RFTN1: variants seen among roughly 807,000 people sequenced by gnomAD.
RFTN1 encodes the protein raftlin.
In RFTN1, 26 loss-of-function variants were observed where a neutral mutation model predicts 46.5. That is an observed-to-expected ratio of 0.56 (90% CI 0.41 to 0.78). The LOEUF (loss-of-function observed/expected upper bound fraction) is 0.78. Among genes scored for constraint, RFTN1 ranks in the 30% least tolerant of loss-of-function variants. The pLI, the probability that RFTN1 is intolerant of heterozygous loss-of-function variation, is 0.00. For synonymous variants in RFTN1, 261 were observed against 284.2 expected, an observed-to-expected ratio of 0.92 and a Z score of 0.82; for missense variants, 693 against 718.7, an observed-to-expected ratio of 0.96 and a Z score of 0.41.
In RFTN1 at chr3:16,410,523, A is replaced by T. The variant is rs896832135; in HGVS notation, c.333-1040T>A. 2.0e-5 allele frequency among the ~76,000 whole-genome samples: 3 copies of T among 152,216 alleles called. No homozygotes were observed. Among genetic ancestry groups the T allele is most frequent in the African/African-American group, 7.2e-5 (3 of 41,450 alleles). On this transcript the variant is annotated intron_variant, in intron 3 of 9. Coordinates refer to ENST00000334133, the MANE Select transcript of RFTN1 (RefSeq NM_015150.2). The surrounding 1 kb of genome is among the most constrained non-coding windows in gnomAD (Gnocchi z 4.6). ...ATATCACTTAGAAAATTAAAAATTAATTTTTAAAAGACTTTAAAAGGGTTC... is the reference window on the plus strand; with the variant it reads ...ATATCACTTAGAAAATTAAAAATTATTTTTTAAAAGACTTTAAAAGGGTTC...
At chr3:16,340,398 T>C (rs570030238) in intron 7 of RFTN1, among the ~76,000 whole-genome samples, 1 of 152,368 alleles carries the variant, frequency 6.6e-6, no homozygotes, top group East Asian at 1.9e-4. Context: ...TCTAGCCAAC[T>C]GCCAGACATA....
chr3:16,492,440 T>C (rs1490422102), intron 2 of RFTN1, among the ~76,000 whole-genome samples: 3 of 152,188 alleles, frequency 2.0e-5, no homozygotes. Flanking sequence ...GACACCCGTG[T>C]TCCTTTTATA....
rs2075116643 is a variant in RFTN1, at chr3:16,418,015, C to T, written c.333-8532G>A. Among the ~76,000 whole-genome samples the T allele has an allele frequency of 6.6e-6, 1 of 152,188 alleles. No individual in the cohort carries two copies. Among genetic ancestry groups the T allele is most frequent in the South Asian group, 2.1e-4 (1 of 4,834 alleles). On this transcript the variant is annotated intron_variant, in intron 3 of 9. Coordinates refer to ENST00000334133, the MANE Select transcript of RFTN1 (RefSeq NM_015150.2). The surrounding 1 kb of genome is among the most constrained non-coding windows in gnomAD (Gnocchi z 5.0). ...AGCAACCATGCCCGGCCTTGTCTGA[C>T]CCATTTAAACAGCCCCTCACTCTGC... is the stretch of plus-strand genomic sequence containing the variant.
intron 4 of RFTN1, among the ~76,000 whole-genome samples, chr3:16,390,139 G>A (rs2074311894): frequency 6.6e-6 from 1 of 152,184 alleles, no homozygotes; most frequent in Non-Finnish European, 1.5e-5. Flanking sequence ...AGATTTGTGA[G>A]CAAAATAAAT....
rs553160384 is a variant in RFTN1, at chr3:16,323,038, C to T, written c.1332+338G>A. ...GACACAAAGAAACTGGCCATGAGCT[C>T]GAGCCATCCCCACCCCATGGTCAGG... is the stretch of plus-strand genomic sequence containing the variant. On this transcript the variant is annotated intron_variant, in intron 9 of 9. Coordinates refer to ENST00000334133, the MANE Select transcript of RFTN1 (RefSeq NM_015150.2). 1.1e-3 allele frequency among the ~76,000 whole-genome samples: 167 copies of T among 152,310 alleles called. 1 individual carries two copies. Among genetic ancestry groups the T allele is most frequent in the African/African-American group, 3.8e-3 (160 of 41,574 alleles).
chr3:16,390,003 A>G (rs1417703911), intron 4 of RFTN1, among the ~76,000 whole-genome samples: 4 of 152,218 alleles, frequency 2.6e-5, no homozygotes, highest in Non-Finnish European at 5.9e-5. Context: ...CCTACAGCCA[A>G]CACCAACTTG....
In RFTN1 at chr3:16,473,577, A is replaced by AT. The variant is rs989001893; in HGVS notation, c.145+20147dup. On this transcript the variant is annotated intron_variant, in intron 2 of 9. Transcript: ENST00000334133. The surrounding 1 kb of genome is among the most constrained non-coding windows in gnomAD (Gnocchi z 5.3). Reference sequence around the variant, plus strand: ...CGCCCTGCCTGGCTAATTTTTTTGTATTTTTTTTTAGTAGAAACGGAGTTT... The same window carrying AT: ...CGCCCTGCCTGGCTAATTTTTTTGTATTTTTTTTTTAGTAGAAACGGAGTTT... Among the ~76,000 whole-genome samples, 44 of 148,832 alleles carry AT rather than the reference A, an allele frequency of 3.0e-4. No individual in the cohort carries two copies. The highest frequency in any genetic ancestry group is 8.7e-4 in the Admixed American group (13 of 14,968).
In RFTN1 at chr3:16,418,799, T is replaced by C. The variant is rs1450455014; in HGVS notation, c.333-9316A>G. Among the ~76,000 whole-genome samples the C allele has an allele frequency of 3.3e-5, 5 of 151,948 alleles. No individual in the cohort carries two copies. Among genetic ancestry groups the C allele is most frequent in the Non-Finnish European group, 7.4e-5 (5 of 68,016 alleles). ...TTAACTTACGTATAACTAATGACAA[T>C]AAAAATCTCCACTTATTCATTTGTC... is the stretch of plus-strand genomic sequence containing the variant. On this transcript the variant is annotated intron_variant, in intron 3 of 9. Transcript: ENST00000334133. The surrounding 1 kb of genome is among the most constrained non-coding windows in gnomAD (Gnocchi z 5.0).
intron 6 of RFTN1, among the ~76,000 whole-genome samples, chr3:16,369,324 G>C (rs1460892249): frequency 6.6e-6 from 1 of 152,234 alleles, no homozygotes. Context: ...GACAAATTTG[G>C]TGTTATGTGT....
At position 16,413,727 on chromosome 3, in the gene RFTN1, CT is replaced by C. The variant is rs2075017376; in HGVS notation, c.333-4245del. Among the ~76,000 whole-genome samples the C allele has an allele frequency of 6.6e-6, 1 of 152,210 alleles. No homozygotes were observed. ...AGCACTCTCCAATTAAATAAAGACA[CT>C]CTGAGGAGAGCATGACTAATAATAA... On this transcript the variant is annotated intron_variant, in intron 3 of 9. Coordinates refer to ENST00000334133, the MANE Select transcript of RFTN1 (RefSeq NM_015150.2). The surrounding 1 kb of genome is among the most constrained non-coding windows in gnomAD (Gnocchi z 4.7).
At chr3:16,396,682 T>C (rs988230072) in intron 4 of RFTN1, among the ~76,000 whole-genome samples, 1 of 152,130 alleles carries the variant, frequency 6.6e-6, no homozygotes, top group Non-Finnish European at 1.5e-5. Flanking sequence ...TTTGTTTTAA[T>C]GGAACCAAGA....
In RFTN1 at chr3:16,376,307, G is replaced by A. The variant is rs1033375625; in HGVS notation, c.826+1411C>T. ...TTCAAAGGGTGAGAAACTGAGGCAC[G>A]GAAGGCAGGCCGGAATGTATACTCT... On this transcript the variant is annotated intron_variant, in intron 5 of 9. Coordinates refer to ENST00000334133, the MANE Select transcript of RFTN1 (RefSeq NM_015150.2). The surrounding 1 kb of genome is among the most constrained non-coding windows in gnomAD (Gnocchi z 4.7). Among the ~76,000 whole-genome samples, 5 of 152,180 alleles carry A rather than the reference G, an allele frequency of 3.3e-5. No individual in the cohort carries two copies. The highest frequency in any genetic ancestry group is 6.5e-5 in the Admixed American group (1 of 15,290).
chr3:16,444,825 C>T (rs538980302), intron 2 of RFTN1, among the ~76,000 whole-genome samples: 8 of 152,338 alleles, frequency 5.3e-5, no homozygotes, highest in African/African-American at 1.7e-4. Context: ...TAACCCACCA[C>T]CACTACAACC....
intron 2 of RFTN1, among the ~76,000 whole-genome samples, chr3:16,485,775 T>C (rs1415904926): frequency 6.6e-6 from 1 of 152,252 alleles, no homozygotes; most frequent in Non-Finnish European, 1.5e-5. Context: ...ATTTAAATTA[T>C]AGTTCAATAA....
chr3:16,369,957 C>T (rs752587748), intron 6 of RFTN1, 119 bp downstream of exon 6: 13 of 929,548 alleles, frequency 1.4e-5, no homozygotes, highest in Middle Eastern at 2.7e-4. Flanking sequence ...TAAAATGCAG[C>T]ATGGTTATCG....
chr3:16,371,811 C>G (rs1295933219), intron 5 of RFTN1, among the ~76,000 whole-genome samples: 1 of 152,214 alleles, frequency 6.6e-6, no homozygotes, highest in Non-Finnish European at 1.5e-5. Context: ...GAAGCCATCT[C>G]CAGCCAGGAA....
chr3:16,391,618 C>G (rs1366381384), intron 4 of RFTN1, among the ~76,000 whole-genome samples: 5 of 152,146 alleles, frequency 3.3e-5, no homozygotes, highest in African/African-American at 7.2e-5. Flanking sequence ...AGTTACCAAT[C>G]AATCAGCAAA....
Position 16,435,624 on chromosome 3 carries a change from T to C in RFTN1, c.146-1587A>G, listed in dbSNP as rs576680530. Among the ~76,000 whole-genome samples, 5 of 152,262 alleles carry C rather than the reference T, an allele frequency of 3.3e-5. No homozygotes were observed. In the East Asian group the frequency reaches 9.6e-4, roughly 29 times the overall value. On this transcript the variant is annotated intron_variant, in intron 2 of 9. Transcript: ENST00000334133. The stretch of plus-strand genomic sequence containing the variant: ...ATACTTTTCTTAAGAGACCATTTCA[T>C]AGCAGTACACAGAGTGCTTTCTCAT...
intron 1 of RFTN1, among the ~76,000 whole-genome samples, chr3:16,497,511 C>T (rs1331099295): frequency 6.6e-6 from 1 of 152,198 alleles, no homozygotes; most frequent in African/African-American, 2.4e-5. Flanking sequence ...CTGGGCCCTG[C>T]TGGAGACTTT....
Sources: gnomAD v4.1 joint callset for allele counts (sites outside exome capture counted in the v4.1 genomes callset) on GRCh38, gnomAD v4.1.1 for gene constraint, Gnocchi (gnomAD v3.1) non-coding constraint, MANE v1.5 for transcripts, NCBI Gene and HGNC (gene_info 2026-07-23, HGNC 2026-07-21) for gene names.